Variants in CFAP47 observed in about 807,000 individuals in gnomAD.
The protein encoded by CFAP47 is cilia- and flagella-associated protein 47.
CFAP47 carries 29 observed loss-of-function variants against 148.1 expected under a neutral mutation model. The ratio of observed to expected loss-of-function variants is 0.20; its 90% CI spans 0.15 to 0.27. The LOEUF (loss-of-function observed/expected upper bound fraction) is 0.27. Ranked by LOEUF, CFAP47 falls within the 10% of genes least tolerant of loss-of-function variation. CFAP47 has a pLI of 1.00. For missense variants in CFAP47, 1,872 were observed against 1,697.5 expected (o/e 1.10, Z -1.81); for synonymous variants, 664 against 577.3 (o/e 1.15, Z -2.15).
chrX:36,323,576 C>A (rs918649496), intron 57 of CFAP47, among the ~76,000 whole-genome samples: 7 of 111,221 alleles, frequency 6.3e-5, no homozygotes, highest in African/African-American at 2.3e-4. Context: ...ACAACTGTTA[C>A]GACTAACATA....
intron 2 of CFAP47, among the ~76,000 whole-genome samples, chrX:35,939,147 T>C (rs1321890307): frequency 9.0e-6 from 1 of 111,332 alleles, no homozygotes; most frequent in Non-Finnish European, 1.9e-5. Context: ...AATGAGAAGA[T>C]GCCTTTATAC....
At chrX:35,921,999 G>T (rs1394333377) in intron 1 of CFAP47, among the ~76,000 whole-genome samples, 1 of 111,394 alleles carries the variant, frequency 9.0e-6, no homozygotes, top group Non-Finnish European at 1.9e-5. Flanking sequence ...TATCTTCAAA[G>T]AAAATATAAT....
intron 51 of CFAP47, among the ~76,000 whole-genome samples, chrX:36,290,743 A>C (rs1556005443): frequency 8.9e-6 from 1 of 112,626 alleles, no homozygotes; most frequent in African/African-American, 3.2e-5. Flanking sequence ...AGGACACAGC[A>C]GAACATCCTT....
At chrX:36,155,998 C>CTT (rs1939362341) in intron 37 of CFAP47, among the ~76,000 whole-genome samples, 1 of 111,215 alleles carries the variant, frequency 9.0e-6, no homozygotes. Context: ...CCTGCCTACT[C>CTT]TTGAGGAAAC....
chrX:36,257,465 G>T (rs1324429250), intron 49 of CFAP47, among the ~76,000 whole-genome samples: 2 of 101,144 alleles, frequency 2.0e-5, no homozygotes, highest in Admixed American at 2.2e-4. Context: ...TCACCCTGTT[G>T]CCCAGGTAGA....
chrX:35,934,817 A>G (rs1025207969), intron 2 of CFAP47, among the ~76,000 whole-genome samples: 1 of 111,133 alleles, frequency 9.0e-6, no homozygotes, highest in African/African-American at 3.3e-5. Flanking sequence ...TCAAGGCAAT[A>G]GGTTTCCTTC....
chrX:36,340,210 G>C, intron 57 of CFAP47, among the ~76,000 whole-genome samples: 1 of 111,740 alleles, frequency 8.9e-6, no homozygotes, highest in South Asian at 3.7e-4. Flanking sequence ...TTCATCCCTA[G>C]CTTTTCCATC....
chrX:35,947,494 T>C (rs1936100198), intron 3 of CFAP47, among the ~76,000 whole-genome samples: 1 of 109,407 alleles, frequency 9.1e-6, no homozygotes, highest in Admixed American at 9.8e-5. Flanking sequence ...GTGTAATTGA[T>C]AGCATGCCAG....
rs1028900447 is a variant in CFAP47, at chrX:36,283,112, G to A, written c.7588+2482G>A. ...ATCCATATCTTTCTTGATATTTTGA[G>A]CCTGGAATTTTGTACAAATATATTA... On this transcript the variant is annotated intron_variant, in intron 50 of 63. Transcript: ENST00000378653. 3.6e-5 allele frequency among the ~76,000 whole-genome samples: 4 copies of A among 110,669 alleles called. No individual in the cohort carries two copies. In the Admixed American group the frequency reaches 3.9e-4, roughly 11 times the overall value.
intron 49 of CFAP47, among the ~76,000 whole-genome samples, chrX:36,260,237 A>G (rs1940801677): frequency 9.0e-6 from 1 of 111,348 alleles, no homozygotes; most frequent in Non-Finnish European, 1.9e-5. Context: ...TTCCCTTTGG[A>G]TATATGCCAA....
intron 57 of CFAP47, among the ~76,000 whole-genome samples, chrX:36,321,740 AT>A: frequency 8.9e-6 from 1 of 111,911 alleles, no homozygotes; most frequent in East Asian, 2.8e-4. Context: ...TTGATGTTGC[AT>A]TTTTTATAAT....
chrX:36,311,263 A>G (rs1941392063), intron 56 of CFAP47, among the ~76,000 whole-genome samples: 1 of 110,926 alleles, frequency 9.0e-6, no homozygotes, highest in Non-Finnish European at 1.9e-5. Flanking sequence ...GTAGATTTGT[A>G]AGATTCTTAT....
chrX:36,138,039 C>T lies in CFAP47; in HGVS notation c.5402C>T (p.Ala1801Val). Residue 1801 changes from alanine (A) to valine (V), a missense_variant, in exon 34 of 64, where the codon GCC becomes GTC. By Grantham distance (64) the Ala-to-Val change is moderately conservative. Transcript: ENST00000378653. ...CTTGTTTTTGCAACACAGTTGGGAG[C>T]CTATTGCCCATTCTTGGTAAGAGTC... is the stretch of plus-strand genomic sequence containing the variant. ...DGLVFATQLGAYCPFLIESHF... is the reference protein window; with the variant it reads ...DGLVFATQLGVYCPFLIESHF... The T allele has an allele frequency of 1.1e-6, 1 of 876,682 alleles. No individual in the cohort carries two copies. Among genetic ancestry groups the T allele is most frequent in the Non-Finnish European group, 1.7e-6 (1 of 601,034 alleles). The allele number at this position is 876,682 out of a possible 1,213,427, so 72.2% of individuals were successfully genotyped here.
At chrX:36,120,323 T>A (rs766730832) in intron 33 of CFAP47, among the ~76,000 whole-genome samples, 3 of 111,241 alleles carry the variant, frequency 2.7e-5, no homozygotes, top group Non-Finnish European at 5.7e-5. Flanking sequence ...TGCCTTTTTA[T>A]TTTGTTGATC....
In CFAP47 at chrX:35,937,760, TA is replaced by T. The variant is rs936850167; in HGVS notation, c.402-3515del. On this transcript the variant is annotated intron_variant, in intron 2 of 63. Coordinates refer to ENST00000378653, the MANE Select transcript of CFAP47 (RefSeq NM_001304548.2). ...CCTAATGGCATGACTGGAATGTGATTAAAAAAAACTGTTGGAGTGAGCACAT... is the reference window on the plus strand; with the variant it reads ...CCTAATGGCATGACTGGAATGTGATTAAAAAAACTGTTGGAGTGAGCACAT... Among the ~76,000 whole-genome samples, 3 of 90,357 alleles carry T rather than the reference TA, an allele frequency of 3.3e-5. 1 individual carries two copies. In the South Asian group the frequency reaches 1.4e-3, roughly 41 times the overall value. The allele number at this position is 90,357 out of a possible 115,157, so 78.5% of individuals were successfully genotyped here. A position where few individuals can be genotyped will look rare whatever the true frequency, so the allele number is the denominator to read the frequency against.
rs1169224386 is a variant in CFAP47, at chrX:35,919,968, G to T, written c.169G>T (p.Val57Leu). The part of the protein sequence containing the change: ...VKFLDTMAGR[V>L]YRLPITVHNI... ...GTTCCTGGACACGATGGCCGGGAGG[G>T]TGTACCGCCTCCCGATTACTGTGCA... The change falls in exon 1 of 64, where the codon GTG becomes TTG. Residue 57 changes from valine to leucine, a missense_variant. Transcript: ENST00000378653. 8.3e-7 allele frequency: 1 copy of T among 1,210,357 alleles called. No individual in the cohort carries two copies. The highest frequency in any genetic ancestry group is 1.1e-6 in the Non-Finnish European group (1 of 894,736).
chrX:36,148,010 A>G (rs1480189838), intron 36 of CFAP47, among the ~76,000 whole-genome samples: 2 of 111,823 alleles, frequency 1.8e-5, no homozygotes, highest in Non-Finnish European at 3.8e-5. Flanking sequence ...TTAAAACGGT[A>G]AGGCAGACTT....
intron 45 of CFAP47, among the ~76,000 whole-genome samples, chrX:36,221,891 C>A (rs1035411532): frequency 5.4e-5 from 6 of 111,164 alleles, no homozygotes; most frequent in Non-Finnish European, 9.4e-5. Flanking sequence ...CTTATTAGAC[C>A]TCTCTCAATA....
chrX:36,329,988 A>C (rs1172883798), intron 57 of CFAP47, among the ~76,000 whole-genome samples: 1 of 112,491 alleles, frequency 8.9e-6, no homozygotes, highest in East Asian at 2.8e-4. Flanking sequence ...GAAAATGTGT[A>C]ATAATTATAT....
Sources: gnomAD v4.1 joint callset for allele counts (sites outside exome capture counted in the v4.1 genomes callset) on GRCh38, gnomAD v4.1.1 for gene constraint, MANE v1.5 for transcripts, NCBI Gene and HGNC (gene_info 2026-07-23, HGNC 2026-07-21) for gene names.